SUGCT: variants seen among roughly 807,000 people sequenced by gnomAD.
SUGCT encodes the protein succinyl-CoA:glutarate-CoA transferase.
A neutral mutation model predicts 55.0 loss-of-function variants in SUGCT; 41 were observed. That is an observed-to-expected ratio of 0.74 (90% confidence interval 0.58 to 0.97). The LOEUF is 0.97. Among genes scored for constraint, SUGCT ranks in the 50% least tolerant of loss-of-function variants. The pLI is 0.00. For missense variants in SUGCT, 568 were observed against 547.8 expected, an observed-to-expected ratio of 1.04 and a Z score of -0.37; for synonymous variants, 187 against 200.4, an observed-to-expected ratio of 0.93 and a Z score of 0.56.
At chr7:40,313,781 C>T (rs1198435827) in intron 8 of SUGCT, among the ~76,000 whole-genome samples, 1 of 150,640 alleles carries the variant, frequency 6.6e-6, no homozygotes, top group Non-Finnish European at 1.5e-5. Context: ...TTAGTAGAGA[C>T]AAGGTTTGCT....
chr7:40,191,334 C>G (rs763661128), intron 5 of SUGCT, among the ~76,000 whole-genome samples: 15 of 152,058 alleles, frequency 9.9e-5, no homozygotes, highest in Non-Finnish European at 1.6e-4. Context: ...TTATTTTTTA[C>G]CAAAACATTA....
intron 9 of SUGCT, among the ~76,000 whole-genome samples, chr7:40,369,137 G>T (rs946837746): frequency 6.6e-6 from 1 of 151,900 alleles, no homozygotes; most frequent in Non-Finnish European, 1.5e-5. Context: ...TTTGAGTGGG[G>T]ATTGAGTGTT....
chr7:40,864,020 C>T (rs1428180892), downstream of SUGCT, among the ~76,000 whole-genome samples: 3 of 152,166 alleles, frequency 2.0e-5, no homozygotes, highest in Admixed American at 2.0e-4. Flanking sequence ...TTTTCTCAGG[C>T]ATGAAGTACA....
intron 6 of SUGCT, among the ~76,000 whole-genome samples, chr7:40,228,917 A>G (rs977341731): frequency 6.6e-6 from 1 of 152,076 alleles, no homozygotes; most frequent in Non-Finnish European, 1.5e-5. Flanking sequence ...ATTTATTGCA[A>G]TTATTATCCT....
In SUGCT at chr7:40,419,770, C is replaced by T. The variant is rs191352697; in HGVS notation, c.817-29517C>T. Among the ~76,000 whole-genome samples the T allele has an allele frequency of 2.4e-3, 363 of 152,280 alleles. 1 individual carries two copies. Among genetic ancestry groups the T allele is most frequent in the African/African-American group, 7.9e-3 (327 of 41,554 alleles). On this transcript the variant is annotated intron_variant, in intron 9 of 13. Transcript: ENST00000335693. ...TTGACTTGGAGTGTTATCTCTGACA[C>T]GTAGCCTAACCTGCTTCTTTGTTTT...
At chr7:40,835,883 T>A (rs1792942824) in intron 13 of SUGCT, among the ~76,000 whole-genome samples, 1 of 151,134 alleles carries the variant, frequency 6.6e-6, no homozygotes, top group Non-Finnish European at 1.5e-5. Flanking sequence ...TCCATTTTCT[T>A]TTTTTTCTTT....
chr7:40,343,452 G>A (rs1260902094), intron 9 of SUGCT, among the ~76,000 whole-genome samples: 6 of 151,894 alleles, frequency 4.0e-5, no homozygotes, highest in African/African-American at 1.5e-4. Flanking sequence ...ACTATATCTG[G>A]TGTTTCAGTT....
chr7:40,334,774 A>C (rs1796581499), intron 9 of SUGCT, among the ~76,000 whole-genome samples: 1 of 152,080 alleles, frequency 6.6e-6, no homozygotes. Flanking sequence ...CCATTTGTCA[A>C]TTTTGGCTTT....
In SUGCT at chr7:40,616,925, A is replaced by G. The variant is rs187735447; in HGVS notation, c.1089+120539A>G. 1.4e-4 allele frequency among the ~76,000 whole-genome samples: 22 copies of G among 152,222 alleles called. No individual in the cohort carries two copies. The East Asian group carries it at 3.1e-3, about 21-fold the overall frequency. On this transcript the variant is annotated intron_variant, in intron 12 of 13. Transcript: ENST00000335693. ...CTATATTTTCCCATTTGCATGTAAA[A>G]CCCAGGTATCCAATAAATTTTTCCA...
chr7:40,760,626 AAT>A (rs1417985139), intron 13 of SUGCT, among the ~76,000 whole-genome samples: 2 of 152,190 alleles, frequency 1.3e-5, no homozygotes, highest in Non-Finnish European at 2.9e-5. Flanking sequence ...CTACAACAAA[AAT>A]ATGATTCATA....
chr7:40,155,136 T>A, intron 1 of SUGCT, among the ~76,000 whole-genome samples: 1 of 151,996 alleles, frequency 6.6e-6, no homozygotes, highest in East Asian at 1.9e-4. Flanking sequence ...AATAAAAAAA[T>A]TAGCTGGGTG....
intron 9 of SUGCT, among the ~76,000 whole-genome samples, chr7:40,339,327 A>G (rs557512773): frequency 6.6e-6 from 1 of 152,320 alleles, no homozygotes; most frequent in African/African-American, 2.4e-5. Context: ...TTGTTTGGCT[A>G]TGCCCTGCCC....
chr7:40,195,645 G>A (rs1195061775), intron 6 of SUGCT, among the ~76,000 whole-genome samples: 2 of 149,606 alleles, frequency 1.3e-5, no homozygotes, highest in African/African-American at 4.9e-5. Context: ...TTGATGTTTT[G>A]CAAATGTTTA....
intron 9 of SUGCT, among the ~76,000 whole-genome samples, chr7:40,433,193 T>C (rs1330830748): frequency 1.3e-5 from 2 of 152,136 alleles, no homozygotes; most frequent in African/African-American, 4.8e-5. Flanking sequence ...TCTCATTTTG[T>C]TTATGTATCG....
At chr7:40,965,975 C>G in the SUGCT span, 14 of 152,196 alleles carry the variant, frequency 9.2e-5, no homozygotes, top group Admixed American at 8.5e-4. Context: ...GGGTGTTTCC[C>G]CCGCATTGTC....
chr7:40,597,942 A>C lies in SUGCT; in HGVS notation c.1089+101556A>C, dbSNP rs1229597495. 4.6e-5 allele frequency among the ~76,000 whole-genome samples: 7 copies of C among 152,132 alleles called. No homozygotes were observed. The East Asian group carries it at 1.4e-3, about 29-fold the overall frequency. Reference sequence around the variant, plus strand: ...CCTTCAGATATCATCTGCCTCCTCTATTAGTTTCTCCGAAAAAAAAAATCC... The same window carrying C: ...CCTTCAGATATCATCTGCCTCCTCTCTTAGTTTCTCCGAAAAAAAAAATCC... On this transcript the variant is annotated intron_variant, in intron 12 of 13. Coordinates refer to ENST00000335693, the MANE Select transcript of SUGCT (RefSeq NM_001193313.2).
At chr7:40,462,484 T>G (rs2151452427) in intron 11 of SUGCT, among the ~76,000 whole-genome samples, 1 of 152,284 alleles carries the variant, frequency 6.6e-6, no homozygotes, top group Non-Finnish European at 1.5e-5. Flanking sequence ...ATTTGCTTAT[T>G]GCAACTTTTT....
intron 1 of SUGCT, among the ~76,000 whole-genome samples, chr7:40,171,438 G>A (rs1414082406): frequency 2.0e-5 from 3 of 152,142 alleles, no homozygotes; most frequent in African/African-American, 7.2e-5. Flanking sequence ...TTCTTGTCCT[G>A]AATGGAGTTC....
intron 9 of SUGCT, among the ~76,000 whole-genome samples, chr7:40,321,132 A>AG (rs56725137): frequency 0.61 from 86,585 of 142,148 alleles, 27,896 homozygotes; most frequent in East Asian, 0.95. Context: ...GCTGGAGTGT[A>AG]TGGTGCGATC....
Sources: allele counts gnomAD v4.1 joint callset (sites outside exome capture counted in the v4.1 genomes callset), GRCh38; gene constraint gnomAD v4.1.1; transcripts MANE v1.5; gene names NCBI Gene and HGNC (gene_info 2026-07-23, HGNC 2026-07-21).